Variants in DAB1 observed in about 807,000 individuals in gnomAD.
The protein encoded by DAB1 is disabled homolog 1.
Under a neutral mutation model 64.6 loss-of-function variants are expected in DAB1, and 15 were observed. That is an observed-to-expected ratio of 0.23 (90% CI 0.16 to 0.36). The LOEUF (loss-of-function observed/expected upper bound fraction) is 0.36. Ranked by LOEUF, DAB1 falls within the 10% of genes least tolerant of loss-of-function variation. DAB1 has a pLI of 1.00. For synonymous variants in DAB1, 235 were observed against 251.9 expected (o/e 0.93, Z 0.64); for missense variants, 596 against 706.7 (o/e 0.84, Z 1.78).
At chr1:57,034,881 T>A (rs1647088784) in intron 9 of DAB1, among the ~76,000 whole-genome samples, 1 of 152,180 alleles carries the variant, frequency 6.6e-6, no homozygotes. Flanking sequence ...CTATAGGACA[T>A]GTGACTGTTA....
At chr1:58,168,452 C>T (rs527977009) in intron 4 of DAB1, among the ~76,000 whole-genome samples, 12 of 152,108 alleles carry the variant, frequency 7.9e-5, no homozygotes, top group Non-Finnish European at 1.5e-4. Context: ...AACTTCCTCT[C>T]GTCTCTCTTC....
intron 5 of DAB1, among the ~76,000 whole-genome samples, chr1:58,043,816 C>G (rs925308347): frequency 6.6e-6 from 1 of 152,132 alleles, no homozygotes; most frequent in Non-Finnish European, 1.5e-5. Flanking sequence ...CAACCTCCAC[C>G]TCCCAGGTTC....
At chr1:58,193,308 A>G (rs967624779) in intron 4 of DAB1, among the ~76,000 whole-genome samples, 5 of 152,260 alleles carry the variant, frequency 3.3e-5, no homozygotes, top group Middle Eastern at 3.4e-3. Flanking sequence ...GCCTTCTGCC[A>G]TGAATGGAAG....
chr1:57,509,980 G>T (rs928220722), intron 7 of DAB1, among the ~76,000 whole-genome samples: 1 of 152,152 alleles, frequency 6.6e-6, no homozygotes, highest in African/African-American at 2.4e-5. Context: ...TGGAAGTAAA[G>T]TACTTCCATT....
chr1:58,508,421 G>A (rs567377439), intron 2 of DAB1, among the ~76,000 whole-genome samples: 8 of 152,166 alleles, frequency 5.3e-5, no homozygotes, highest in Non-Finnish European at 1.2e-4. Context: ...TTCCCTTTGT[G>A]AGAAATCCTG....
intron 1 of DAB1, among the ~76,000 whole-genome samples, chr1:57,309,375 T>C (rs1212117184): frequency 1.3e-5 from 2 of 152,214 alleles, no homozygotes; most frequent in Non-Finnish European, 2.9e-5. Context: ...AGGCAATTTC[T>C]GGCTTCATTC....
chr1:58,470,309 G>A (rs1645343303), intron 3 of DAB1, among the ~76,000 whole-genome samples: 1 of 152,046 alleles, frequency 6.6e-6, no homozygotes, highest in East Asian at 1.9e-4. Flanking sequence ...AAGCAGGTGG[G>A]ATTACAGGTG....
intron 4 of DAB1, among the ~76,000 whole-genome samples, chr1:58,234,298 A>C (rs1659914801): frequency 6.6e-6 from 1 of 152,210 alleles, no homozygotes; most frequent in Non-Finnish European, 1.5e-5. Flanking sequence ...TAGGGAGAAA[A>C]ACAGATATGA....
In DAB1 at chr1:58,529,730, G is replaced by A. The variant is rs369162693; in HGVS notation, n.33-2395C>T. 1.8e-3 allele frequency among the ~76,000 whole-genome samples: 272 copies of A among 151,768 alleles called. 6 individuals carry two copies. In the South Asian group the frequency reaches 0.053, roughly 29 times the overall value. On this transcript the variant is annotated intron_variant and non_coding_transcript_variant, in intron 1 of 20. Transcript: ENST00000485760. ...ACCAATTTGGATAGAAAATATCTAC[G>A]AAAAAACAATTTAAAAAACTACAAC...
At chr1:57,204,394 G>A (rs77519586) in intron 2 of DAB1, among the ~76,000 whole-genome samples, 3,934 of 149,234 alleles carry the variant, frequency 0.026, 192 homozygotes, top group African/African-American at 0.093. Flanking sequence ...AGACCCTAAG[G>A]CACCTCCACA....
At chr1:57,196,137 G>C (rs946943300) in intron 2 of DAB1, among the ~76,000 whole-genome samples, 1 of 152,182 alleles carries the variant, frequency 6.6e-6, no homozygotes, top group Non-Finnish European at 1.5e-5. Context: ...GTAATGGTTT[G>C]ATAGGTATAC....
At chr1:58,169,611 A>G (rs1005561508) in intron 4 of DAB1, among the ~76,000 whole-genome samples, 1 of 152,208 alleles carries the variant, frequency 6.6e-6, no homozygotes, top group Non-Finnish European at 1.5e-5. Flanking sequence ...GCAGTGAAAT[A>G]CCTTATGTCC....
chr1:57,950,023 C>T (rs534899698), intron 5 of DAB1, among the ~76,000 whole-genome samples: 1 of 152,290 alleles, frequency 6.6e-6, no homozygotes, highest in African/African-American at 2.4e-5. Context: ...TAAAATGTCA[C>T]TCTGCTCTGT....
intron 4 of DAB1, among the ~76,000 whole-genome samples, chr1:57,101,576 T>C (rs1019665444): frequency 1.3e-5 from 2 of 152,172 alleles, no homozygotes; most frequent in South Asian, 2.1e-4. Context: ...GGCAGAGCCA[T>C]TGAAATAAAA....
intron 6 of DAB1, among the ~76,000 whole-genome samples, chr1:57,712,279 G>A (rs1000150044): frequency 6.6e-6 from 1 of 152,134 alleles, no homozygotes; most frequent in African/African-American, 2.4e-5. Context: ...CCAAAGTGAG[G>A]CCTACCTACA....
intron 4 of DAB1, among the ~76,000 whole-genome samples, chr1:58,286,944 T>G (rs1056045427): frequency 1.4e-4 from 22 of 152,198 alleles, no homozygotes; most frequent in African/African-American, 5.1e-4. Flanking sequence ...ATAGAATGGA[T>G]AAAGAAAATG....
intron 5 of DAB1, among the ~76,000 whole-genome samples, chr1:57,941,372 T>A (rs1049728554): frequency 6.6e-6 from 1 of 152,204 alleles, no homozygotes; most frequent in Non-Finnish European, 1.5e-5. Context: ...GTAGGGAATA[T>A]TTTATCACTT....
Position 57,607,034 on chromosome 1 carries a change from G to C in DAB1, n.625+42558C>G, listed in dbSNP as rs541638069. On this transcript the variant is annotated intron_variant and non_coding_transcript_variant, in intron 7 of 20. Transcript: ENST00000485760. ...ACTCCTGACCTCAGATGATCCATCT[G>C]CCTCGGCCTCCCAATGTGCTGGGAT... Among the ~76,000 whole-genome samples, 21 of 133,018 alleles carry C rather than the reference G, an allele frequency of 1.6e-4. No homozygotes were observed. The South Asian group carries it at 2.9e-3, about 19-fold the overall frequency. The allele number at this position is 133,018 out of a possible 152,430, so 87.3% of individuals were successfully genotyped here. A position where few individuals can be genotyped will look rare whatever the true frequency, so the allele number is the denominator to read the frequency against.
chr1:57,013,315 C>T (rs1283270854), intron 12 of DAB1, among the ~76,000 whole-genome samples: 1 of 152,182 alleles, frequency 6.6e-6, no homozygotes, highest in Non-Finnish European at 1.5e-5. Context: ...CAGTTCCTGC[C>T]CTCAAAGAAC....
Sources: allele counts gnomAD v4.1 joint callset (sites outside exome capture counted in the v4.1 genomes callset), GRCh38; gene constraint gnomAD v4.1.1; transcripts MANE v1.5; gene names NCBI Gene and HGNC (gene_info 2026-07-23, HGNC 2026-07-21).